Variants in SOX6 observed in about 807,000 individuals in gnomAD.
The protein encoded by SOX6 is SRY-box transcription factor 6, also known as transcription factor SOX-6.
Under a neutral mutation model 97.8 loss-of-function variants are expected in SOX6, and 11 were observed. That is an observed-to-expected ratio of 0.11 (90% CI 0.07 to 0.19). SOX6 has a LOEUF of 0.19. SOX6 is among the 10% of genes least tolerant of loss of function. SOX6 has a pLI of 1.00. For missense variants in SOX6, 810 were observed against 1,039.5 expected, an observed-to-expected ratio of 0.78 and a Z score of 3.04; for synonymous variants, 360 against 371.4, an observed-to-expected ratio of 0.97 and a Z score of 0.35.
chr11:16,562,322 C>T (rs72859435), intron 4 of SOX6, among the ~76,000 whole-genome samples: 16,120 of 152,022 alleles, frequency 0.11, 924 homozygotes, highest in Non-Finnish European at 0.14. Context: ...TGGTGAATTT[C>T]CTAGGTTTTC....
chr11:15,995,109 T>C (rs1197136856), intron 13 of SOX6, among the ~76,000 whole-genome samples: 1 of 152,204 alleles, frequency 6.6e-6, no homozygotes, highest in Non-Finnish European at 1.5e-5. Context: ...ACTTGCCATG[T>C]ATTTGGAAGA....
At chr11:16,014,121 G>A (rs1234540212) in intron 13 of SOX6, among the ~76,000 whole-genome samples, 1 of 152,012 alleles carries the variant, frequency 6.6e-6, no homozygotes, top group East Asian at 1.9e-4. Flanking sequence ...ACTCTGTGAT[G>A]ACACAGTAAA....
chr11:16,133,583 G>GGA (rs1355380077), intron 6 of SOX6, among the ~76,000 whole-genome samples: 2 of 152,144 alleles, frequency 1.3e-5, no homozygotes, highest in Admixed American at 6.5e-5. Flanking sequence ...AAAATAAAAG[G>GGA]GAGAGACCAA....
At chr11:16,249,096 CAAA>C (rs1554948939) in intron 3 of SOX6, among the ~76,000 whole-genome samples, 9 of 146,792 alleles carry the variant, frequency 6.1e-5, no homozygotes, top group African/African-American at 2.3e-4. Flanking sequence ...GGCTCTGTCT[CAAA>C]AAAAAAAAAG....
intron 3 of SOX6, among the ~76,000 whole-genome samples, chr11:16,705,554 G>A (rs535264682): frequency 2.6e-5 from 4 of 152,098 alleles, no homozygotes; most frequent in Non-Finnish European, 5.9e-5. Flanking sequence ...TTGAACCCAG[G>A]AGTTCAAGGT....
intron 3 of SOX6, among the ~76,000 whole-genome samples, chr11:16,653,105 A>G (rs1847675106): frequency 6.6e-6 from 1 of 152,148 alleles, no homozygotes; most frequent in South Asian, 2.1e-4. Flanking sequence ...AATTTTAAAA[A>G]CTCAAAAAAT....
intron 4 of SOX6, among the ~76,000 whole-genome samples, chr11:16,582,958 G>A (rs542273092): frequency 4.1e-4 from 63 of 152,052 alleles, no homozygotes; most frequent in Non-Finnish European, 7.1e-4. Context: ...ATGGCAAGAC[G>A]CTACTATCAA....
intron 1 of SOX6, among the ~76,000 whole-genome samples, chr11:16,409,607 A>G (rs1053421976): frequency 4.6e-5 from 7 of 152,298 alleles, no homozygotes; most frequent in African/African-American, 1.7e-4. Context: ...TCTATAGTGT[A>G]AATGAAAATC....
chr11:16,307,026 G>T (rs1855462533), intron 3 of SOX6, among the ~76,000 whole-genome samples: 1 of 152,110 alleles, frequency 6.6e-6, no homozygotes, highest in Non-Finnish European at 1.5e-5. Flanking sequence ...ATATAACTAA[G>T]GAATGTCCAA....
chr11:16,437,104 A>G (rs1283652731), intron 1 of SOX6, among the ~76,000 whole-genome samples: 1 of 62,946 alleles, frequency 1.6e-5, no homozygotes, highest in African/African-American at 9.1e-5. Flanking sequence ...AAGAAATTAA[A>G]AAAAAAAAAA....
At position 15,971,688 on chromosome 11, in the gene SOX6, G is replaced by A. The variant is rs1282790716; in HGVS notation, c.*1121C>T. On this transcript the variant is annotated 3_prime_UTR_variant, in exon 16 of 16. Transcript: ENST00000683767. ...GGTTTTTAATAATATCTTGGTTTCA[G>A]AAATGCTTCCAGGCGTTCTGGGGAC... The A allele has an allele frequency of 6.6e-6, 1 of 152,594 alleles. No homozygotes were observed. The highest frequency in any genetic ancestry group is 6.5e-5 in the Admixed American group (1 of 15,274). 9.5% of individuals were successfully genotyped at this position (152,594 alleles called of 1,614,324 possible). A position where few individuals can be genotyped will look rare whatever the true frequency, so the allele number is the denominator to read the frequency against.
At chr11:16,195,645 G>A (rs1390884911) in intron 4 of SOX6, among the ~76,000 whole-genome samples, 1 of 152,174 alleles carries the variant, frequency 6.6e-6, no homozygotes, top group African/African-American at 2.4e-5. Context: ...TTAGCAGCAA[G>A]CCTGGCAGAC....
At chr11:16,005,386 A>T (rs751184315) in intron 13 of SOX6, among the ~76,000 whole-genome samples, 1 of 151,918 alleles carries the variant, frequency 6.6e-6, no homozygotes, top group Non-Finnish European at 1.5e-5. Flanking sequence ...CATACTGCTC[A>T]TACAGAGCCA....
intron 1 of SOX6, among the ~76,000 whole-genome samples, chr11:16,373,215 C>A (rs1857539123): frequency 6.6e-6 from 1 of 152,050 alleles, no homozygotes; most frequent in South Asian, 2.1e-4. Flanking sequence ...ATATTTTCAT[C>A]CTTCACAGGC....
intron 4 of SOX6, among the ~76,000 whole-genome samples, chr11:16,561,207 T>TACAGAATCA (rs1847811410): frequency 6.6e-6 from 1 of 152,112 alleles, no homozygotes; most frequent in African/African-American, 2.4e-5. Context: ...AGAAATCATG[T>TACAGAATCA]ACAGAATCAT....
chr11:16,185,424 C>T (rs2134104413), intron 5 of SOX6, among the ~76,000 whole-genome samples: 1 of 152,250 alleles, frequency 6.6e-6, no homozygotes, highest in Non-Finnish European at 1.5e-5. Context: ...ATGGTCCCTC[C>T]TAAATGATAA....
intron 6 of SOX6, among the ~76,000 whole-genome samples, chr11:16,117,242 G>T (rs1180289780): frequency 2.0e-5 from 3 of 151,912 alleles, no homozygotes; most frequent in Non-Finnish European, 4.4e-5. Context: ...AGTCCCAGCT[G>T]CTCGGGAGGC....
intron 6 of SOX6, among the ~76,000 whole-genome samples, chr11:16,163,873 T>C (rs1342155569): frequency 6.6e-6 from 1 of 152,204 alleles, no homozygotes; most frequent in East Asian, 1.9e-4. Flanking sequence ...ACAGGTATAT[T>C]TGTAACTCAA....
At position 16,234,641 on chromosome 11, in the gene SOX6, T is replaced by G. The variant is rs1852961988; in HGVS notation, c.476A>C (p.Lys159Thr). 12 of 1,596,818 alleles carry G rather than the reference T, an allele frequency of 7.5e-6. No homozygotes were observed. The highest frequency in any genetic ancestry group is 1.0e-5 in the Non-Finnish European group (12 of 1,167,834). ...TCTTTCCATTTTTTCCTTCCAATCTTTTGAAAGTAGTTTTTCCATGCAGGA... is the reference window on the plus strand; with the variant it reads ...TCTTTCCATTTTTTCCTTCCAATCTGTTGAAAGTAGTTTTTCCATGCAGGA... The part of the protein sequence containing the change: ...DSSCMEKLLS[K>T]DWKEKMERLN... The change falls in exon 4 of 16, where the codon AAA (lysine) becomes ACA (threonine). Residue 159 changes from lysine to threonine, a missense_variant. Physicochemically the swap from Lys to Thr is moderately conservative, Grantham distance 78. Transcript: ENST00000683767.
Sources: gnomAD v4.1 joint callset for allele counts (sites outside exome capture counted in the v4.1 genomes callset) on GRCh38, gnomAD v4.1.1 for gene constraint, MANE v1.5 for transcripts, NCBI Gene and HGNC (gene_info 2026-07-23, HGNC 2026-07-21) for gene names.